The following ERI3 variants were observed in gnomAD, a reference collection of about 807,000 sequenced individuals.
The protein encoded by ERI3 is ERI1 exoribonuclease family member 3.
In ERI3, 18 loss-of-function variants were observed where a neutral mutation model predicts 44.4. The observed-to-expected ratio is 0.41, with a 90% CI of 0.28 to 0.60. The LOEUF (loss-of-function observed/expected upper bound fraction) is 0.60, where lower values mean the gene tolerates loss of function less well. Among genes scored for constraint, ERI3 ranks in the 20% least tolerant of loss-of-function variants. The pLI is 0.36. For synonymous variants in ERI3, 183 were observed against 164.8 expected (o/e 1.11, Z -0.84); for missense variants, 294 against 435.5 (o/e 0.68, Z 2.89).
chr1:44,222,020 C>T (rs559632516), intron 8 of ERI3, among the ~76,000 whole-genome samples: 5 of 152,368 alleles, frequency 3.3e-5, no homozygotes, highest in South Asian at 4.1e-4. Flanking sequence ...GGGGACGGCC[C>T]GTCCGCCACA....
intron 3 of ERI3, chr1:44,322,918 A>C (rs1251805683): frequency 6.7e-7 from 1 of 1,486,266 alleles, no homozygotes; most frequent in South Asian, 1.3e-5. Context: ...CCAACACTAC[A>C]GGTTAGTGGC....
rs538809769 is a variant in ERI3, at chr1:44,354,820, G to A, written c.135+72C>T. On this transcript the variant is annotated intron_variant, in intron 1 of 8. Transcript: ENST00000372257. ...CAGCACCCCAGGTTGCATAAATTCT[G>A]CGCACCGCGACCCTCACCCCGCATG... 9.9e-6 allele frequency: 13 copies of A among 1,307,758 alleles called. No individual in the cohort carries two copies. The East Asian group carries it at 1.7e-4, about 17-fold the overall frequency. 81.0% of individuals were successfully genotyped at this position (1,307,758 alleles called of 1,614,324 possible). A position where few individuals can be genotyped will look rare whatever the true frequency, so the allele number is the denominator to read the frequency against.
Position 44,239,139 on chromosome 1 carries a change from A to G in ERI3, c.931+8800T>C, listed in dbSNP as rs560175658. On this transcript the variant is annotated intron_variant, in intron 8 of 8. Transcript: ENST00000372257. ...GGCCTGGTAACCCCCAGCCCTGGAC[A>G]TAAGATCTAACTGCTATTCTTAGCT... 3.3e-5 allele frequency among the ~76,000 whole-genome samples: 5 copies of G among 151,922 alleles called. No homozygotes were observed. The East Asian group carries it at 9.7e-4, about 30-fold the overall frequency.
At chr1:44,231,499 G>T (rs143000345) in intron 8 of ERI3, among the ~76,000 whole-genome samples, 2 of 151,990 alleles carry the variant, frequency 1.3e-5, no homozygotes, top group African/African-American at 4.8e-5. Context: ...TCAGCCTCCC[G>T]AGCAGCTGGG....
chr1:44,339,385 C>G (rs1451082213), intron 2 of ERI3, 63 bp from the exon 3 acceptor site: 4 of 1,379,988 alleles, frequency 2.9e-6, no homozygotes, highest in Non-Finnish European at 3.8e-6. Flanking sequence ...AAAAAAAGAA[C>G]AGAGAGCCTG....
At chr1:44,243,573 G>A (rs1644490209) in intron 8 of ERI3, 1 of 152,212 alleles carries the variant, frequency 6.6e-6, no homozygotes, top group Non-Finnish European at 1.5e-5. Context: ...AGAGGAGGTG[G>A]CCCCTGGAAG....
intron 8 of ERI3, among the ~76,000 whole-genome samples, chr1:44,225,382 C>T (rs1158143114): frequency 6.6e-6 from 1 of 152,198 alleles, no homozygotes. Context: ...TGTACCTCGG[C>T]CTCCCAAAGG....
chr1:44,288,602 G>A (rs1645440616), intron 6 of ERI3, among the ~76,000 whole-genome samples: 1 of 152,174 alleles, frequency 6.6e-6, no homozygotes, highest in South Asian at 2.1e-4. Context: ...AGAAGAAAAG[G>A]ATTTGCTCAA....
rs146926443 is a variant in ERI3 at position 44,334,796 on chromosome 1, C to T, written c.489+4249G>A. On this transcript the variant is annotated intron_variant, in intron 3 of 8. Coordinates refer to ENST00000372257, the MANE Select transcript of ERI3 (RefSeq NM_024066.3). ...ATATCATGTTTTACCATGTTTATAA[C>T]CAATGCTGTTACTCACCCAAGTACA... is the stretch of plus-strand genomic sequence containing the variant. Among the ~76,000 whole-genome samples, 711 of 152,302 alleles carry T rather than the reference C, an allele frequency of 4.7e-3. 9 individuals carry two copies. Among genetic ancestry groups the T allele is most frequent in the African/African-American group, 0.017 (696 of 41,542 alleles).
At chr1:44,226,433 G>T (rs1644039835) in intron 8 of ERI3, among the ~76,000 whole-genome samples, 1 of 152,138 alleles carries the variant, frequency 6.6e-6, no homozygotes. Flanking sequence ...AACCCTGAAG[G>T]CAGACAGATC....
rs1297620918 is a variant in ERI3 at position 44,310,959 on chromosome 1, GCGCGCACACACACACACACACA to G, written c.666+2188_666+2209del. On this transcript the variant is annotated intron_variant, in intron 5 of 8. Coordinates refer to ENST00000372257, the MANE Select transcript of ERI3 (RefSeq NM_024066.3). Reference sequence around the variant, plus strand: ...TTGCATGTATGTGCACATCGCGCGCGCGCGCACACACACACACACACACACACACACACACACACACACACAC... The same window carrying G: ...TTGCATGTATGTGCACATCGCGCGCGCACACACACACACACACACACACAC... 4.9e-5 allele frequency among the ~76,000 whole-genome samples: 4 copies of G among 81,284 alleles called. 1 individual carries two copies. Among genetic ancestry groups the G allele is most frequent in the African/African-American group, 1.0e-4 (2 of 19,876 alleles). The allele number at this position is 81,284 out of a possible 152,430, so 53.3% of individuals were successfully genotyped here.
chr1:44,353,365 G>C (rs1208141931), intron 1 of ERI3: 1 of 985,294 alleles, frequency 1.0e-6, no homozygotes, highest in African/African-American at 1.7e-5. Flanking sequence ...AACACTTTCA[G>C]GATAGTTCCA....
chr1:44,249,197 C>T (rs1644621096), intron 7 of ERI3, among the ~76,000 whole-genome samples: 1 of 152,166 alleles, frequency 6.6e-6, no homozygotes, highest in South Asian at 2.1e-4. Context: ...ACCAGGCTGC[C>T]CTTCTACCAG....
chr1:44,226,236 C>T (rs957067232), intron 8 of ERI3, among the ~76,000 whole-genome samples: 3 of 151,550 alleles, frequency 2.0e-5, no homozygotes, highest in Non-Finnish European at 2.9e-5. Flanking sequence ...GGAGTGGCAA[C>T]GAGATGAAGC....
At chr1:44,249,755 G>A (rs960933309) in intron 7 of ERI3, among the ~76,000 whole-genome samples, 2 of 152,168 alleles carry the variant, frequency 1.3e-5, no homozygotes, top group African/African-American at 4.8e-5. Flanking sequence ...CCAGTGGGTG[G>A]TGCATAGCCA....
At chr1:44,353,652 AAAT>A in intron 1 of ERI3, 1 of 985,462 alleles carries the variant, frequency 1.0e-6, no homozygotes, top group Non-Finnish European at 1.2e-6. Context: ...ACACTTTTTA[AAAT>A]GAAAGGGAAT....
intron 7 of ERI3, among the ~76,000 whole-genome samples, chr1:44,249,865 C>T (rs893727704): frequency 5.9e-5 from 9 of 152,048 alleles, no homozygotes; most frequent in African/African-American, 2.2e-4. Context: ...TTACAAAGGC[C>T]GGATTAAACG....
intron 2 of ERI3, among the ~76,000 whole-genome samples, chr1:44,339,606 T>C (rs1473690326): frequency 1.3e-5 from 2 of 152,108 alleles, no homozygotes; most frequent in African/African-American, 4.8e-5. Flanking sequence ...GCCTGCATCT[T>C]TAAATGGAGC....
At chr1:44,319,830 G>A (rs963408426) in intron 3 of ERI3, 86 bp from the exon 4 acceptor site, 5 of 1,029,100 alleles carry the variant, frequency 4.9e-6, no homozygotes, top group Non-Finnish European at 7.5e-6. Context: ...CAAAGAATGA[G>A]TGTTTTGGAT....
Sources: gnomAD v4.1 joint callset for allele counts (sites outside exome capture counted in the v4.1 genomes callset) on GRCh38, gnomAD v4.1.1 for gene constraint, MANE v1.5 for transcripts, NCBI Gene and HGNC (gene_info 2026-07-23, HGNC 2026-07-21) for gene names.